MTMR12: variants seen among roughly 807,000 people sequenced by gnomAD.
The protein encoded by MTMR12 is myotubularin related protein 12.
MTMR12 carries 33 observed loss-of-function variants against 96.7 expected under a neutral mutation model. The observed-to-expected ratio is 0.34, with a 90% CI of 0.26 to 0.46. The LOEUF (loss-of-function observed/expected upper bound fraction) is 0.46. Ranked by LOEUF, MTMR12 falls within the 20% of genes least tolerant of loss-of-function variation. MTMR12 has a pLI of 1.00. For missense variants in MTMR12, 721 were observed against 896.1 expected, an observed-to-expected ratio of 0.80 and a Z score of 2.49; for synonymous variants, 298 against 327.2, an observed-to-expected ratio of 0.91 and a Z score of 0.96.
At chr5:32,257,598 G>T (rs1006967193) in intron 7 of MTMR12, among the ~76,000 whole-genome samples, 36 of 152,128 alleles carry the variant, frequency 2.4e-4, no homozygotes, top group African/African-American at 8.7e-4. Flanking sequence ...GTGAAACCTT[G>T]AATCTACTAA....
intron 1 of MTMR12, among the ~76,000 whole-genome samples, chr5:32,292,974 T>C (rs1750790435): frequency 6.6e-6 from 1 of 152,260 alleles, no homozygotes; most frequent in South Asian, 2.1e-4. Flanking sequence ...ATATAAGATT[T>C]ATTGACTTCA....
At position 32,235,072 on chromosome 5, in the gene MTMR12, G is replaced by A. The variant is rs1352154702; in HGVS notation, c.1402C>T (p.Pro468Ser). Residue 468 changes from proline to serine, a missense_variant, in exon 14 of 16, where the codon CCG (proline) becomes TCG (serine). Coordinates refer to ENST00000382142, the MANE Select transcript of MTMR12 (RefSeq NM_001040446.3). ...TAAGTCTCTGTGAATTCAAATGCCG[G>A]GGGATGCTGGTGCACCAGCTGCCAG... ...CVWQLVHQHPPAFEFTETYLT... is the reference protein window; with the variant it reads ...CVWQLVHQHPSAFEFTETYLT... The A allele has an allele frequency of 4.3e-6, 7 of 1,614,114 alleles. No homozygotes were observed. Among genetic ancestry groups the A allele is most frequent in the Non-Finnish European group, 5.9e-6 (7 of 1,179,996 alleles).
At chr5:32,232,145 C>T (rs1246852544) in intron 15 of MTMR12, among the ~76,000 whole-genome samples, 1 of 152,172 alleles carries the variant, frequency 6.6e-6, no homozygotes, top group African/African-American at 2.4e-5. Flanking sequence ...CGGCTGACAC[C>T]GAGGCTGCAC....
intron 1 of MTMR12, among the ~76,000 whole-genome samples, chr5:32,297,476 T>TAG (rs1474002373): frequency 9.2e-5 from 14 of 152,034 alleles, no homozygotes; most frequent in African/African-American, 3.4e-4. Flanking sequence ...CCCCAACAGC[T>TAG]AAGCAATACT....
At position 32,229,316 on chromosome 5, in the gene MTMR12, T is replaced by G. The variant is rs73752842; in HGVS notation, c.*462A>C. 8,184 of 153,558 alleles carry G rather than the reference T, an allele frequency of 0.053. 715 individuals carry two copies. The highest frequency in any genetic ancestry group is 0.19 in the African/African-American group (7,739 of 41,570). 9.5% of individuals were successfully genotyped at this position (153,558 alleles called of 1,614,324 possible). A position where few individuals can be genotyped will look rare whatever the true frequency, so the allele number is the denominator to read the frequency against. ...ACATCTTAATACCTCTATCTGAATC[T>G]TCAACTCCCCATACAAATACATAAA... On this transcript the variant is annotated 3_prime_UTR_variant, in exon 16 of 16. Transcript: ENST00000382142.
In MTMR12 at chr5:32,234,945, C is replaced by T. The variant is rs116177408; in HGVS notation, c.1512+17G>A. The T allele has an allele frequency of 5.4e-4, 864 of 1,599,276 alleles. 7 individuals are homozygous for T. The African/African-American group carries it at 0.011, about 20-fold the overall frequency. On this transcript the variant is annotated intron_variant, in intron 14 of 15. Coordinates refer to ENST00000382142, the MANE Select transcript of MTMR12 (RefSeq NM_001040446.3). ...AGAAGCCTCTTTAATACACAGGTTC[C>T]TAAGAGGGACTCTTACCATGTTAGT...
At chr5:32,297,467 C>T (rs1750972277) in intron 1 of MTMR12, among the ~76,000 whole-genome samples, 1 of 152,190 alleles carries the variant, frequency 6.6e-6, no homozygotes, top group Non-Finnish European at 1.5e-5. Flanking sequence ...ATTCATTACC[C>T]CCAACAGCTA....
chr5:32,311,608 G>A (rs1751600205), intron 1 of MTMR12, among the ~76,000 whole-genome samples: 1 of 152,206 alleles, frequency 6.6e-6, no homozygotes, highest in East Asian at 1.9e-4. Context: ...CTTTACAGAT[G>A]CAAAACAAGA....
At chr5:32,298,877 C>A (rs555910421) in intron 1 of MTMR12, among the ~76,000 whole-genome samples, 1 of 148,710 alleles carries the variant, frequency 6.7e-6, no homozygotes, top group Non-Finnish European at 1.5e-5. Flanking sequence ...GGCACGAACC[C>A]GGGAGGCGGA....
intron 6 of MTMR12, among the ~76,000 whole-genome samples, chr5:32,267,100 C>T (rs1035763172): frequency 1.3e-5 from 2 of 149,184 alleles, no homozygotes; most frequent in Admixed American, 6.7e-5. Context: ...AAAAGAGTAA[C>T]GGACGGGCCC....
intron 6 of MTMR12, among the ~76,000 whole-genome samples, chr5:32,263,727 C>A (rs776503382): frequency 2.0e-5 from 3 of 152,122 alleles, no homozygotes; most frequent in Non-Finnish European, 4.4e-5. Context: ...AGTGAGCCAT[C>A]GCGCCAGGCC....
Position 32,228,607 on chromosome 5 carries a change from T to TATATATGTGATATATATATATATATCA in MTMR12, c.*1170_*1171insTGATATATATATATATATCACATATAT. 1.7e-5 allele frequency: 2 copies of TATATATGTGATATATATATATATATCA among 117,348 alleles called. No individual in the cohort carries two copies. Among genetic ancestry groups the TATATATGTGATATATATATATATATCA allele is most frequent in the Admixed American group, 9.2e-5 (1 of 10,816 alleles). The allele number at this position is 117,348 out of a possible 1,614,324, so 7.3% of individuals were successfully genotyped here. A position where few individuals can be genotyped will look rare whatever the true frequency, so the allele number is the denominator to read the frequency against. On this transcript the variant is annotated 3_prime_UTR_variant, in exon 16 of 16. Transcript: ENST00000382142. ...TATATATGTGATATATATATATATA[T>TATATATGTGATATATATATATATATCA]CATATATATGATATATATATATCAC... is the stretch of plus-strand genomic sequence containing the variant.
At chr5:32,244,008 A>T (rs1050144665) in intron 10 of MTMR12, among the ~76,000 whole-genome samples, 2 of 152,222 alleles carry the variant, frequency 1.3e-5, no homozygotes, top group Admixed American at 6.5e-5. Flanking sequence ...CTTAACTTTC[A>T]TTAGAATCTC....
intron 1 of MTMR12, among the ~76,000 whole-genome samples, chr5:32,295,854 T>C (rs1750900170): frequency 1.3e-5 from 2 of 152,168 alleles, no homozygotes; most frequent in African/African-American, 4.8e-5. Context: ...AACTCTGTCT[T>C]TGTAAAAGCT....
At chr5:32,311,326 G>C (rs1751588240) in intron 1 of MTMR12, among the ~76,000 whole-genome samples, 1 of 152,196 alleles carries the variant, frequency 6.6e-6, no homozygotes, top group Non-Finnish European at 1.5e-5. Flanking sequence ...TCCACATCAA[G>C]TGCTAACAGA....
At chr5:32,276,202 G>C (rs1421003372) in intron 2 of MTMR12, among the ~76,000 whole-genome samples, 5 of 152,222 alleles carry the variant, frequency 3.3e-5, no homozygotes, top group African/African-American at 1.2e-4. Flanking sequence ...AATGACTGCA[G>C]GGCGAAGTGC....
chr5:32,287,941 G>A (rs116712259), intron 1 of MTMR12, among the ~76,000 whole-genome samples: 2,200 of 152,138 alleles, frequency 0.014, 21 homozygotes, highest in Non-Finnish European at 0.021. Context: ...TGAAAATGAC[G>A]AACTCAGGGA....
At chr5:32,266,486 G>A (rs980038377) in intron 6 of MTMR12, among the ~76,000 whole-genome samples, 1 of 151,912 alleles carries the variant, frequency 6.6e-6, no homozygotes, top group Non-Finnish European at 1.5e-5. Flanking sequence ...TCAGGAGTTC[G>A]AAATCAGCCT....
intron 12 of MTMR12, among the ~76,000 whole-genome samples, chr5:32,239,716 T>G (rs1482251444): frequency 6.6e-6 from 1 of 152,248 alleles, no homozygotes; most frequent in Non-Finnish European, 1.5e-5. Flanking sequence ...TGGAGAAAGT[T>G]TAATATTTCT....
Sources: gnomAD v4.1 joint callset for allele counts (sites outside exome capture counted in the v4.1 genomes callset) on GRCh38, gnomAD v4.1.1 for gene constraint, MANE v1.5 for transcripts, NCBI Gene and HGNC (gene_info 2026-07-23, HGNC 2026-07-21) for gene names.